Variants in TLK1 observed in about 807,000 individuals in gnomAD.
TLK1 encodes serine/threonine-protein kinase tousled-like 1.
A neutral mutation model predicts 105.3 loss-of-function variants in TLK1; 24 were observed. That is an observed-to-expected ratio of 0.23 (90% CI 0.17 to 0.32). TLK1 has a LOEUF of 0.32. TLK1 is among the 10% of genes least tolerant of loss of function. The pLI, the probability that TLK1 is intolerant of heterozygous loss-of-function variation, is 1.00. For missense variants in TLK1, 558 were observed against 910.5 expected (o/e 0.61, Z 4.98); for synonymous variants, 321 against 310.4 (o/e 1.03, Z -0.36).
At chr2:171,023,412 C>T (rs578041822) in intron 12 of TLK1, among the ~76,000 whole-genome samples, 9 of 143,154 alleles carry the variant, frequency 6.3e-5, no homozygotes, top group Non-Finnish European at 1.3e-4. Context: ...TGCACTCACA[C>T]ATACACACAC....
At chr2:171,041,277 T>C (rs1223485555) in intron 11 of TLK1, among the ~76,000 whole-genome samples, 1 of 152,250 alleles carries the variant, frequency 6.6e-6, no homozygotes, top group Non-Finnish European at 1.5e-5. Context: ...CTACCATCTT[T>C]TCAACAGTAT....
At chr2:171,050,876 G>A (rs1687205188) in intron 8 of TLK1, among the ~76,000 whole-genome samples, 1 of 152,140 alleles carries the variant, frequency 6.6e-6, no homozygotes, top group South Asian at 2.1e-4. Flanking sequence ...TCAGGTCTCA[G>A]GAAGGACCTG....
chr2:171,131,397 G>C (rs1378254915), intron 1 of TLK1, among the ~76,000 whole-genome samples: 2 of 152,044 alleles, frequency 1.3e-5, no homozygotes, highest in Non-Finnish European at 2.9e-5. Flanking sequence ...AATAAATTGT[G>C]GGTCACATCA....
At chr2:171,106,940 CTT>C (rs148131928) in intron 2 of TLK1, among the ~76,000 whole-genome samples, 4,578 of 152,274 alleles carry the variant, frequency 0.03, 90 homozygotes, top group Admixed American at 0.049. Flanking sequence ...CAAAAACGTC[CTT>C]TATAACTGTT....
intron 1 of TLK1, among the ~76,000 whole-genome samples, chr2:171,156,556 T>C (rs1007760822): frequency 5.3e-5 from 8 of 152,220 alleles, no homozygotes; most frequent in Admixed American, 1.3e-4. Flanking sequence ...TCCGTTCTGG[T>C]TTCTCTCTTT....
At chr2:171,044,152 T>C (rs1483994104) in intron 11 of TLK1, among the ~76,000 whole-genome samples, 4 of 152,186 alleles carry the variant, frequency 2.6e-5, no homozygotes, top group Admixed American at 2.6e-4. Context: ...CCGGGTGCAG[T>C]GGCTCATGCC....
chr2:171,151,470 C>CTTTTTTTTTT (rs55670860), intron 1 of TLK1, among the ~76,000 whole-genome samples: 2 of 124,244 alleles, frequency 1.6e-5, no homozygotes, highest in Admixed American at 8.4e-5. Flanking sequence ...ATATGTGTAT[C>CTTTTTTTTTT]TTTTTTTTTT....
chr2:171,106,597 T>C (rs935472578), intron 2 of TLK1, among the ~76,000 whole-genome samples: 3 of 152,192 alleles, frequency 2.0e-5, no homozygotes, highest in Non-Finnish European at 4.4e-5. Context: ...AATAAATCAA[T>C]ACTCCTAGAT....
chr2:171,102,830 G>GA (rs1273473194), intron 2 of TLK1, among the ~76,000 whole-genome samples: 2 of 152,022 alleles, frequency 1.3e-5, no homozygotes, highest in Admixed American at 6.5e-5. Flanking sequence ...ATACAGCAGT[G>GA]AAAAAAACAG....
At chr2:171,123,849 G>A (rs1361280780) in intron 1 of TLK1, among the ~76,000 whole-genome samples, 2 of 152,128 alleles carry the variant, frequency 1.3e-5, no homozygotes, top group Non-Finnish European at 2.9e-5. Context: ...GATCTGTAAT[G>A]AGACTGTATG....
At chr2:171,058,322 C>T in intron 4 of TLK1, 125 bp from the exon 5 acceptor site, 1 of 841,376 alleles carries the variant, frequency 1.2e-6, no homozygotes, top group Non-Finnish European at 1.9e-6. Flanking sequence ...TCAATAGAGA[C>T]ATGCCAATTT....
rs144707986 is a variant in TLK1, at chr2:170,992,926, T to C, written c.*854A>G. 1.3e-5 allele frequency: 2 copies of C among 152,768 alleles called. 1 individual carries two copies. Among genetic ancestry groups the C allele is most frequent in the East Asian group, 3.9e-4 (2 of 5,194 alleles). The allele number at this position is 152,768 out of a possible 1,614,324, so 9.5% of individuals were successfully genotyped here. ...ATAGAGCTAGAAGGGAATTTATCAT[T>C]ATCCTGCATAGAACTGGTCTGCATT... is the stretch of plus-strand genomic sequence containing the variant. On this transcript the variant is annotated 3_prime_UTR_variant, in exon 21 of 21. Transcript: ENST00000431350.
chr2:171,014,555 G>A (rs962766748), intron 13 of TLK1, among the ~76,000 whole-genome samples: 2 of 152,030 alleles, frequency 1.3e-5, no homozygotes, highest in Non-Finnish European at 2.9e-5. Context: ...AAGAACATTT[G>A]GAGTGAGATA....
intron 1 of TLK1, among the ~76,000 whole-genome samples, chr2:171,128,983 T>C (rs1690983813): frequency 6.6e-6 from 1 of 151,962 alleles, no homozygotes; most frequent in Non-Finnish European, 1.5e-5. Flanking sequence ...TGTGTGTGTG[T>C]ATGTGTGTGT....
At chr2:171,209,939 T>C (rs780584027) in intron 1 of TLK1, among the ~76,000 whole-genome samples, 35 of 152,184 alleles carry the variant, frequency 2.3e-4, no homozygotes, top group Non-Finnish European at 4.1e-4. Context: ...AGCAAACTAA[T>C]GACAATACTG....
At chr2:171,096,149 T>C (rs774325152) in intron 2 of TLK1, among the ~76,000 whole-genome samples, 1 of 152,124 alleles carries the variant, frequency 6.6e-6, no homozygotes, top group South Asian at 2.1e-4. Context: ...ACCAAGAAAC[T>C]ATTGGAGTCA....
intron 1 of TLK1, among the ~76,000 whole-genome samples, chr2:171,138,969 T>G (rs1453720359): frequency 6.6e-6 from 1 of 152,158 alleles, no homozygotes; most frequent in African/African-American, 2.4e-5. Context: ...TCCAAAGGCA[T>G]AAAGGGTGTT....
chr2:171,144,948 A>G (rs1353361029), intron 1 of TLK1, among the ~76,000 whole-genome samples: 1 of 152,240 alleles, frequency 6.6e-6, no homozygotes, highest in Non-Finnish European at 1.5e-5. Flanking sequence ...GAAAAGGCCA[A>G]TAAACTTTAT....
At chr2:171,065,739 G>A (rs1036710210) in intron 3 of TLK1, among the ~76,000 whole-genome samples, 3 of 152,080 alleles carry the variant, frequency 2.0e-5, no homozygotes, top group African/African-American at 7.2e-5. Flanking sequence ...GGGTTTCACC[G>A]TGTTAGCCAG....
Sources: allele counts gnomAD v4.1 joint callset (sites outside exome capture counted in the v4.1 genomes callset), GRCh38; gene constraint gnomAD v4.1.1; transcripts MANE v1.5; gene names NCBI Gene and HGNC (gene_info 2026-07-23, HGNC 2026-07-21).